Variants in PIN4 observed in about 807,000 individuals in gnomAD.
The protein encoded by PIN4 is peptidylprolyl cis/trans isomerase, NIMA-interacting 4.
PIN4 carries 3 observed loss-of-function variants against 8.3 expected under a neutral mutation model. The observed-to-expected ratio is 0.36, with a 90% confidence interval of 0.16 to 0.93. The LOEUF (loss-of-function observed/expected upper bound fraction) is 0.93, where lower values mean the gene tolerates loss of function less well. Ranked by LOEUF, PIN4 falls within the 40% of genes least tolerant of loss-of-function variation. The probability of loss-of-function intolerance (pLI) is 0.44; values close to 1 mark genes in which losing one functional copy is unlikely to be tolerated. For missense variants in PIN4, 75 were observed against 100.6 expected (o/e 0.75, Z 1.09); for synonymous variants, 18 against 32.5 (o/e 0.55, Z 1.52).
At chrX:72,224,414 T>C (rs1438470379) in intron 3 of PIN4, among the ~76,000 whole-genome samples, 2 of 110,877 alleles carry the variant, frequency 1.8e-5, no homozygotes, top group African/African-American at 6.6e-5. Context: ...TACTTATTAT[T>C]ATGTCAAGAA....
intron 3 of PIN4, among the ~76,000 whole-genome samples, chrX:72,212,133 C>T (rs934311952): frequency 3.7e-5 from 4 of 109,536 alleles, no homozygotes; most frequent in Non-Finnish European, 5.7e-5. Flanking sequence ...AAAAATTAGC[C>T]GGGCATGGTG....
At chrX:72,187,571 C>T (rs1015853602) in intron 2 of PIN4, among the ~76,000 whole-genome samples, 7 of 111,403 alleles carry the variant, frequency 6.3e-5, no homozygotes, top group Admixed American at 1.9e-4. Flanking sequence ...GGCCAAGGCA[C>T]GAGGATCACT....
chrX:72,210,878 T>C (rs1055822467), intron 3 of PIN4, among the ~76,000 whole-genome samples: 4 of 111,995 alleles, frequency 3.6e-5, no homozygotes, highest in African/African-American at 1.3e-4. Context: ...TGGTCCACCC[T>C]AGTTAGCAGG....
intron 3 of PIN4, chrX:72,238,015 G>A (rs776758729): frequency 8.1e-5 from 9 of 111,367 alleles, no homozygotes; most frequent in Non-Finnish European, 1.7e-4. Context: ...GGGGCTGAAG[G>A]GAGGGGGAAA....
intron 3 of PIN4, among the ~76,000 whole-genome samples, chrX:72,241,574 G>A (rs767093354): frequency 4.8e-4 from 54 of 112,617 alleles, no homozygotes; most frequent in African/African-American, 1.0e-3. Context: ...CTGTAATCCC[G>A]CCCTTTGGGA....
At chrX:72,182,006 G>A in intron 1 of PIN4, 178 bp downstream of exon 1, 1 of 459,916 alleles carries the variant, frequency 2.2e-6, no homozygotes, top group African/African-American at 2.4e-5. Flanking sequence ...CGTCCTAGTG[G>A]GTAATGGAAT....
chrX:72,242,188 C>T (rs773217263), intron 3 of PIN4, among the ~76,000 whole-genome samples: 4 of 112,275 alleles, frequency 3.6e-5, no homozygotes, highest in Non-Finnish European at 5.6e-5. Context: ...TCAGGAACCC[C>T]GGCTACCTCC....
intron 1 of PIN4, among the ~76,000 whole-genome samples, chrX:72,185,810 TG>T (rs753902750): frequency 7.1e-5 from 8 of 112,541 alleles, no homozygotes; most frequent in African/African-American, 2.6e-4. Flanking sequence ...AAATGGGTAG[TG>T]GGAAATTTGA....
intron 3 of PIN4, among the ~76,000 whole-genome samples, chrX:72,224,447 C>T (rs2147598381): frequency 9.0e-6 from 1 of 111,411 alleles, no homozygotes; most frequent in Admixed American, 9.5e-5. Flanking sequence ...TCAGACACTC[C>T]ACATCAAATA....
chrX:72,246,256 A>G (rs2043066838), intron 3 of PIN4, among the ~76,000 whole-genome samples: 1 of 111,779 alleles, frequency 8.9e-6, no homozygotes, highest in Non-Finnish European at 1.9e-5. Flanking sequence ...TCAATTCATC[A>G]GTGAGTCGTG....
At chrX:72,256,847 G>A (rs1219438690) in intron 3 of PIN4, among the ~76,000 whole-genome samples, 1 of 111,960 alleles carries the variant, frequency 8.9e-6, no homozygotes, top group Non-Finnish European at 1.9e-5. Context: ...AGAAACAGTA[G>A]GTACAAAGGC....
intron 3 of PIN4, among the ~76,000 whole-genome samples, chrX:72,229,110 T>C (rs1039544138): frequency 3.6e-5 from 4 of 111,241 alleles, no homozygotes; most frequent in African/African-American, 1.3e-4. Context: ...GCCTCAAGAC[T>C]CTCCCATTAA....
At chrX:72,207,408 G>A in intron 3 of PIN4, 1 of 1,210,939 alleles carries the variant, frequency 8.3e-7, no homozygotes, top group Non-Finnish European at 1.1e-6. Context: ...CCATCAATGT[G>A]TCATCAGTTA....
intron 2 of PIN4, among the ~76,000 whole-genome samples, chrX:72,187,263 G>A (rs2042708310): frequency 8.9e-6 from 1 of 112,284 alleles, no homozygotes; most frequent in African/African-American, 3.2e-5. Context: ...AATGGGGGCA[G>A]GAGAAAATCA....
chrX:72,220,141 T>C (rs112289552), intron 3 of PIN4, among the ~76,000 whole-genome samples: 2,998 of 110,493 alleles, frequency 0.027, 97 homozygotes, highest in African/African-American at 0.095. Flanking sequence ...TTTTGTCCTT[T>C]AGTTTTTAGG....
At chrX:72,245,069 CAAAAAAAAAAAAAA>C (rs35952560) in intron 3 of PIN4, among the ~76,000 whole-genome samples, 176 of 19,760 alleles carry the variant, frequency 8.9e-3, no homozygotes, top group African/African-American at 0.032. Flanking sequence ...GAGATCCTGT[CAAAAAAAAAAAAAA>C]AAAAAAAAAA....
chrX:72,204,627 C>T (rs1879003040), intron 3 of PIN4: 1 of 121,020 alleles, frequency 8.3e-6, no homozygotes, highest in Non-Finnish European at 1.7e-5. Flanking sequence ...TAAGATCTGC[C>T]AGTATCATCT....
At chrX:72,218,269 C>CAAA (rs762377624) in intron 3 of PIN4, among the ~76,000 whole-genome samples, 1 of 61,254 alleles carries the variant, frequency 1.6e-5, no homozygotes, top group South Asian at 7.8e-4. Context: ...GACTCTGTCT[C>CAAA]AAAAAAAAAA....
chrX:72,187,342 A>C (rs1485195664), intron 2 of PIN4, among the ~76,000 whole-genome samples: 1 of 112,071 alleles, frequency 8.9e-6, no homozygotes, highest in Non-Finnish European at 1.9e-5. Flanking sequence ...TTTAATCTGC[A>C]AACTAGTAAG....
Sources: gnomAD v4.1 joint callset for allele counts (sites outside exome capture counted in the v4.1 genomes callset) on GRCh38, gnomAD v4.1.1 for gene constraint, MANE v1.5 for transcripts, NCBI Gene and HGNC (gene_info 2026-07-23, HGNC 2026-07-21) for gene names.